The following UBL3 variants were observed in gnomAD, a reference collection of about 807,000 sequenced individuals.
UBL3 encodes ubiquitin like 3.
In UBL3, 6 loss-of-function variants were observed where a neutral mutation model predicts 18.4. That is an observed-to-expected ratio of 0.33 (90% CI 0.18 to 0.64). The LOEUF (loss-of-function observed/expected upper bound fraction) is 0.64. Ranked by LOEUF, UBL3 falls within the 30% of genes least tolerant of loss-of-function variation. The pLI is 0.76. For synonymous variants in UBL3, 49 were observed against 46.6 expected, an observed-to-expected ratio of 1.05 and a Z score of -0.21; for missense variants, 109 against 142.9, an observed-to-expected ratio of 0.76 and a Z score of 1.21.
intron 1 of UBL3, among the ~76,000 whole-genome samples, chr13:29,816,514 T>C (rs1279324487): frequency 6.6e-6 from 1 of 151,876 alleles, no homozygotes; most frequent in East Asian, 1.9e-4. Flanking sequence ...ATCCCAGCAC[T>C]TTGGGAGGAC....
intron 2 of UBL3, among the ~76,000 whole-genome samples, chr13:29,774,515 A>G (rs1451863572): frequency 6.6e-6 from 1 of 152,132 alleles, no homozygotes; most frequent in Non-Finnish European, 1.5e-5. Context: ...CTGCCTGGCT[A>G]TAAAGAATAG....
At chr13:29,827,505 T>C (rs1407553659) in intron 1 of UBL3, among the ~76,000 whole-genome samples, 1 of 152,226 alleles carries the variant, frequency 6.6e-6, no homozygotes, top group African/African-American at 2.4e-5. Flanking sequence ...TTGCAACCCC[T>C]GCATTTTTTT....
At chr13:29,783,028 A>C (rs1309936491) in intron 1 of UBL3, among the ~76,000 whole-genome samples, 1 of 152,260 alleles carries the variant, frequency 6.6e-6, no homozygotes, top group East Asian at 1.9e-4. Flanking sequence ...GAAAGTGCAG[A>C]CTAGAAAGGT....
intron 1 of UBL3, chr13:29,777,517 C>T: frequency 1.7e-6 from 1 of 584,542 alleles, no homozygotes; most frequent in South Asian, 1.4e-5. Context: ...AACCAAAATT[C>T]ATTACACTTT....
In UBL3 at chr13:29,767,065, A is replaced by T; in HGVS notation, c.*190T>A. On this transcript the variant is annotated 3_prime_UTR_variant, in exon 5 of 5. Coordinates refer to ENST00000380680, the MANE Select transcript of UBL3 (RefSeq NM_007106.4). ...TCAACAAAAAATACAAGAAATAAAA[A>T]ATCAGAGTGAAAAATGTTCTTGGTT... is the stretch of plus-strand genomic sequence containing the variant. 1 of 491,406 alleles carries T rather than the reference A, an allele frequency of 2.0e-6. No homozygotes were observed. Among genetic ancestry groups the T allele is most frequent in the Non-Finnish European group, 3.4e-6 (1 of 292,338 alleles). The allele number at this position is 491,406 out of a possible 1,614,324, so 30.4% of individuals were successfully genotyped here. A position where few individuals can be genotyped will look rare whatever the true frequency, so the allele number is the denominator to read the frequency against.
intron 4 of UBL3, 29 bp downstream of exon 4, chr13:29,767,589 C>G: frequency 6.2e-7 from 1 of 1,608,076 alleles, no homozygotes; most frequent in Non-Finnish European, 8.5e-7. Flanking sequence ...TGTGCCTCAA[C>G]TGAGATACTT....
intron 1 of UBL3, among the ~76,000 whole-genome samples, chr13:29,815,390 G>A (rs1345321387): frequency 6.6e-6 from 1 of 152,050 alleles, no homozygotes; most frequent in Non-Finnish European, 1.5e-5. Flanking sequence ...TACATACTTT[G>A]GGAAATGACC....
chr13:29,835,176 A>G (rs1190849626), intron 1 of UBL3, among the ~76,000 whole-genome samples: 1 of 76,980 alleles, frequency 1.3e-5, no homozygotes, highest in Non-Finnish European at 2.5e-5. Flanking sequence ...ATATATATAT[A>G]TATATATATC....
intron 3 of UBL3, among the ~76,000 whole-genome samples, chr13:29,771,278 G>A (rs148571410): frequency 1.8e-4 from 27 of 151,978 alleles, no homozygotes; most frequent in African/African-American, 6.0e-4. Flanking sequence ...TTGCCTATAC[G>A]TTTCCAATTA....
At position 29,777,111 on chromosome 13, in the gene UBL3, T is replaced by TG. The variant is rs1555232107; in HGVS notation, c.136+43_136+44insC. ...AATGTTTGTGAGACAAGGTAGGGCA[T>TG]AAGAATCAACATTATTCATACTCAA... On this transcript the variant is annotated intron_variant, in intron 2 of 4. Transcript: ENST00000380680. 6 of 1,435,504 alleles carry TG rather than the reference T, an allele frequency of 4.2e-6. No homozygotes were observed. In the South Asian group the frequency reaches 8.3e-5, roughly 20 times the overall value. 88.9% of individuals were successfully genotyped at this position (1,435,504 alleles called of 1,614,324 possible).
intron 3 of UBL3, among the ~76,000 whole-genome samples, chr13:29,768,211 G>A (rs560543613): frequency 6.6e-6 from 1 of 152,046 alleles, no homozygotes; most frequent in South Asian, 2.1e-4. Flanking sequence ...AAAAAGATTA[G>A]GTTAAAATAA....
chr13:29,788,870 T>TGTGCGC (rs1180662351), intron 1 of UBL3, among the ~76,000 whole-genome samples: 477 of 20,864 alleles, frequency 0.023, 9 homozygotes, highest in Admixed American at 0.19. Context: ...TGTGTGTGTG[T>TGTGCGC]GCGCGCGCGC....
chr13:29,779,084 T>C (rs1000840611), intron 1 of UBL3, among the ~76,000 whole-genome samples: 11 of 152,178 alleles, frequency 7.2e-5, no homozygotes, highest in South Asian at 2.1e-4. Context: ...TCCAAAAACT[T>C]TGAGTTCCAC....
intron 1 of UBL3, among the ~76,000 whole-genome samples, chr13:29,839,440 A>G (rs762201806): frequency 1.3e-4 from 20 of 152,344 alleles, no homozygotes; most frequent in Middle Eastern, 3.4e-3. Context: ...TCTAAGTTGC[A>G]TTTAGAGGGA....
intron 1 of UBL3, among the ~76,000 whole-genome samples, chr13:29,804,551 G>A (rs1877852960): frequency 6.6e-6 from 1 of 151,826 alleles, no homozygotes; most frequent in Non-Finnish European, 1.5e-5. Context: ...GTTATTTGAA[G>A]ATTAAATTAG....
chr13:29,771,863 T>C (rs1053802151), intron 3 of UBL3, among the ~76,000 whole-genome samples: 2 of 151,994 alleles, frequency 1.3e-5, no homozygotes, highest in African/African-American at 4.8e-5. Flanking sequence ...ATTTAAAAAA[T>C]AGTAGGTATA....
chr13:29,833,061 G>A (rs1398081736), intron 1 of UBL3, among the ~76,000 whole-genome samples: 1 of 152,204 alleles, frequency 6.6e-6, no homozygotes, highest in Non-Finnish European at 1.5e-5. Context: ...CATACAAGGG[G>A]CCAACAGGAG....
At chr13:29,801,360 T>C (rs1877760059) in intron 1 of UBL3, among the ~76,000 whole-genome samples, 2 of 152,094 alleles carry the variant, frequency 1.3e-5, no homozygotes, top group South Asian at 2.1e-4. Context: ...AGGCAACCAA[T>C]AGCAGCGGTT....
chr13:29,819,104 T>C (rs1265125955), intron 1 of UBL3, among the ~76,000 whole-genome samples: 1 of 152,212 alleles, frequency 6.6e-6, no homozygotes, highest in East Asian at 1.9e-4. Flanking sequence ...TTACTGTCTA[T>C]GAGGTGACAA....
Sources: gnomAD v4.1 joint callset for allele counts (sites outside exome capture counted in the v4.1 genomes callset) on GRCh38, gnomAD v4.1.1 for gene constraint, MANE v1.5 for transcripts, NCBI Gene and HGNC (gene_info 2026-07-23, HGNC 2026-07-21) for gene names.